TENM3: variants seen among roughly 807,000 people sequenced by gnomAD.
The protein encoded by TENM3 is teneurin-3.
In TENM3, 63 loss-of-function variants were observed where a neutral mutation model predicts 255.1. The ratio of observed to expected loss-of-function variants is 0.25; its 90% CI spans 0.20 to 0.30. The LOEUF (loss-of-function observed/expected upper bound fraction) is 0.30. TENM3 is among the 10% of genes least tolerant of loss of function. The pLI is 1.00. For synonymous variants in TENM3, 1,306 were observed against 1,322.3 expected (o/e 0.99, Z 0.27); for missense variants, 2,929 against 3,461.1 (o/e 0.85, Z 3.86).
intron 22 of TENM3, among the ~76,000 whole-genome samples, chr4:182,771,454 C>A (rs752115751): frequency 2.0e-5 from 3 of 147,356 alleles, no homozygotes; most frequent in African/African-American, 7.5e-5. Context: ...AGAGCCAGAT[C>A]AAATCAGCTA....
intron 3 of TENM3, among the ~76,000 whole-genome samples, chr4:182,420,104 A>C (rs1274987832): frequency 6.6e-6 from 1 of 152,040 alleles, no homozygotes; most frequent in Non-Finnish European, 1.5e-5. Flanking sequence ...AGTTCTATCT[A>C]GTAAGCTATA....
the TENM3 span, among the ~76,000 whole-genome samples, chr4:181,751,010 A>C: frequency 1.3e-5 from 2 of 152,196 alleles, no homozygotes; most frequent in African/African-American, 4.8e-5. Flanking sequence ...GCATGCAATA[A>C]TTTGTGAAAA....
the TENM3 span, among the ~76,000 whole-genome samples, chr4:181,760,830 T>C: frequency 5.3e-5 from 8 of 152,022 alleles, no homozygotes; most frequent in Non-Finnish European, 7.4e-5. Flanking sequence ...CTTCCTCTCC[T>C]CTTCTCCCTT....
At chr4:181,736,495 G>T in the TENM3 span, among the ~76,000 whole-genome samples, 8 of 151,768 alleles carry the variant, frequency 5.3e-5, no homozygotes, top group Non-Finnish European at 1.0e-4. Flanking sequence ...AGAAAACATG[G>T]CAAATTAATA....
intron 1 of TENM3, among the ~76,000 whole-genome samples, chr4:182,251,942 G>GGAGGCT (rs1722808736): frequency 6.6e-6 from 1 of 152,086 alleles, no homozygotes; most frequent in Non-Finnish European, 1.5e-5. Flanking sequence ...CAGCACTTTG[G>GGAGGCT]GAGGCTGAGG....
the TENM3 span, among the ~76,000 whole-genome samples, chr4:181,974,767 T>A: frequency 6.6e-6 from 1 of 152,300 alleles, no homozygotes; most frequent in Non-Finnish European, 1.5e-5. Context: ...TGATCTTACT[T>A]CTTCCCCCAC....
At chr4:181,587,953 C>A in the TENM3 span, among the ~76,000 whole-genome samples, 6 of 152,006 alleles carry the variant, frequency 3.9e-5, no homozygotes, top group African/African-American at 1.4e-4. Flanking sequence ...AGTTCTTAGC[C>A]GTCCTGAGAT....
the TENM3 span, among the ~76,000 whole-genome samples, chr4:181,756,709 C>T: frequency 6.6e-6 from 1 of 152,204 alleles, no homozygotes; most frequent in African/African-American, 2.4e-5. Context: ...TAACAACCAG[C>T]AAAGTTTGCA....
chr4:182,765,082 C>A (rs17264104), intron 22 of TENM3, among the ~76,000 whole-genome samples: 13,702 of 151,694 alleles, frequency 0.09, 919 homozygotes, highest in Admixed American at 0.13. Context: ...AGATGAGTTC[C>A]GATTCGTAAA....
chr4:182,572,118 T>A (rs924484131), intron 3 of TENM3, among the ~76,000 whole-genome samples: 4 of 152,142 alleles, frequency 2.6e-5, no homozygotes, highest in African/African-American at 9.7e-5. Context: ...GCCAGGCTGG[T>A]CTGGAACTCC....
chr4:181,895,908 G>T, the TENM3 span, among the ~76,000 whole-genome samples: 2 of 151,918 alleles, frequency 1.3e-5, no homozygotes, highest in Non-Finnish European at 2.9e-5. Context: ...TATTTTAATT[G>T]TGTCTCCATT....
chr4:182,302,805 T>G (rs976478271), intron 1 of TENM3, among the ~76,000 whole-genome samples: 1 of 152,202 alleles, frequency 6.6e-6, no homozygotes, highest in Non-Finnish European at 1.5e-5. Flanking sequence ...CATTTCCATG[T>G]GAGAAGACAG....
At chr4:181,941,735 C>T in the TENM3 span, among the ~76,000 whole-genome samples, 4 of 152,174 alleles carry the variant, frequency 2.6e-5, no homozygotes, top group Middle Eastern at 3.4e-3. Context: ...GTGGGGTTCC[C>T]GAGGGTGAGG....
At chr4:182,244,183 G>C (rs954178555) in intron 1 of TENM3, among the ~76,000 whole-genome samples, 6 of 151,726 alleles carry the variant, frequency 4.0e-5, no homozygotes, top group African/African-American at 1.5e-4. Flanking sequence ...TCGATCTCCT[G>C]ACCTCGTGAT....
At chr4:181,895,862 TA>T in the TENM3 span, among the ~76,000 whole-genome samples, 1 of 152,114 alleles carries the variant, frequency 6.6e-6, no homozygotes, top group Non-Finnish European at 1.5e-5. Flanking sequence ...ATTCTCTATA[TA>T]AACCTTTCCC....
At chr4:181,767,029 G>T in the TENM3 span, among the ~76,000 whole-genome samples, 1 of 147,132 alleles carries the variant, frequency 6.8e-6, no homozygotes, top group Non-Finnish European at 1.5e-5. Flanking sequence ...GAGGCGGGCG[G>T]ATCACGAGGT....
chr4:182,266,912 T>C (rs1199038313), intron 1 of TENM3, among the ~76,000 whole-genome samples: 1 of 152,198 alleles, frequency 6.6e-6, no homozygotes, highest in Admixed American at 6.5e-5. Flanking sequence ...CTTTTTATCA[T>C]CCACAGACAA....
intron 3 of TENM3, among the ~76,000 whole-genome samples, chr4:182,438,435 G>A (rs1025983012): frequency 1.1e-4 from 17 of 152,120 alleles, no homozygotes; most frequent in Non-Finnish European, 1.5e-4. Context: ...TCATCATCAC[G>A]CAATAGAGTA....
the TENM3 span, among the ~76,000 whole-genome samples, chr4:181,661,430 A>T: frequency 1.3e-5 from 2 of 152,176 alleles, no homozygotes; most frequent in African/African-American, 4.8e-5. Context: ...ACTAAATTCC[A>T]TTTAAATTTC....
Sources: gnomAD v4.1 joint callset for allele counts (sites outside exome capture counted in the v4.1 genomes callset) on GRCh38, gnomAD v4.1.1 for gene constraint, MANE v1.5 for transcripts, NCBI Gene and HGNC (gene_info 2026-07-23, HGNC 2026-07-21) for gene names.